NSMCE2: variants seen among roughly 807,000 people sequenced by gnomAD.
NSMCE2 encodes the protein E3 SUMO-protein ligase NSE2.
Under a neutral mutation model 23.8 loss-of-function variants are expected in NSMCE2, and 24 were observed. The observed-to-expected ratio is 1.01, with a 90% CI of 0.73 to 1.42. NSMCE2 has a LOEUF of 1.42. Ranked by LOEUF, NSMCE2 falls within the 40% of genes most tolerant of loss-of-function variation. The probability of loss-of-function intolerance (pLI) is 0.00; values close to 1 mark genes in which losing one functional copy is unlikely to be tolerated. For synonymous variants in NSMCE2, 92 were observed against 94.1 expected (o/e 0.98, Z 0.13); for missense variants, 284 against 296.5 (o/e 0.96, Z 0.31).
intron 5 of NSMCE2, among the ~76,000 whole-genome samples, chr8:125,223,421 T>C (rs560830816): frequency 1.3e-5 from 2 of 152,294 alleles, no homozygotes; most frequent in South Asian, 2.1e-4. Flanking sequence ...TCTTGACTAT[T>C]GCGAATAATG....
chr8:125,330,202 A>T (rs1442576845), intron 5 of NSMCE2, among the ~76,000 whole-genome samples: 2 of 133,280 alleles, frequency 1.5e-5, no homozygotes, highest in Non-Finnish European at 3.2e-5. Context: ...TTTTTGAGAC[A>T]GTCTCTCTCT....
intron 5 of NSMCE2, among the ~76,000 whole-genome samples, chr8:125,328,643 G>C (rs1296605882): frequency 6.6e-6 from 1 of 152,170 alleles, no homozygotes; most frequent in Non-Finnish European, 1.5e-5. Context: ...TCACAGGCTG[G>C]TGCACAAATT....
intron 5 of NSMCE2, among the ~76,000 whole-genome samples, chr8:125,335,280 A>G (rs960118644): frequency 6.6e-6 from 1 of 152,166 alleles, no homozygotes; most frequent in Admixed American, 6.5e-5. Flanking sequence ...AACAGCGATT[A>G]TGTGCCAAGC....
intron 5 of NSMCE2, among the ~76,000 whole-genome samples, chr8:125,234,252 A>G (rs1463084642): frequency 6.6e-6 from 1 of 152,090 alleles, no homozygotes; most frequent in Non-Finnish European, 1.5e-5. Flanking sequence ...ATAAGTTCTG[A>G]TTTTTGTCAA....
In NSMCE2 at chr8:125,170,376, C is replaced by CTTT. The variant is rs565593006; in HGVS notation, c.265-11690_265-11688dup. Among the ~76,000 whole-genome samples the CTTT allele has an allele frequency of 2.4e-3, 89 of 37,864 alleles. 29 individuals are homozygous for CTTT. The highest frequency in any genetic ancestry group is 5.5e-3 in the East Asian group (4 of 726). The allele number at this position is 37,864 out of a possible 152,430, so 24.8% of individuals were successfully genotyped here. On this transcript the variant is annotated intron_variant, in intron 4 of 7. Transcript: ENST00000287437. ...CATCAATAAACCTTACTCTTTATTT[C>CTTT]TTTTTTTTTTTTTTTTTTTTTTTTT...
At chr8:125,321,541 G>A (rs4871579) in intron 5 of NSMCE2, among the ~76,000 whole-genome samples, 12,798 of 152,094 alleles carry the variant, frequency 0.084, 674 homozygotes, top group South Asian at 0.16. Flanking sequence ...CATTCTACAA[G>A]GCTAGCATTA....
intron 5 of NSMCE2, among the ~76,000 whole-genome samples, chr8:125,217,085 A>G (rs1167710820): frequency 2.0e-5 from 3 of 152,226 alleles, no homozygotes; most frequent in African/African-American, 2.4e-5. Flanking sequence ...GATGCTTTCA[A>G]TAGGAAATAA....
chr8:125,225,266 G>A (rs1586637108), intron 5 of NSMCE2, among the ~76,000 whole-genome samples: 1 of 152,312 alleles, frequency 6.6e-6, no homozygotes, highest in African/African-American at 2.4e-5. Flanking sequence ...AAACAAATTA[G>A]CTAAAAGTAA....
At chr8:125,286,774 C>CA (rs11403131) in intron 5 of NSMCE2, among the ~76,000 whole-genome samples, 102,432 of 131,620 alleles carry the variant, frequency 0.78, 39,570 homozygotes, top group Middle Eastern at 0.82. Context: ...AAGCCTAGAG[C>CA]AAAAAAAAAA....
At chr8:125,190,533 A>G (rs1003271736) in intron 5 of NSMCE2, among the ~76,000 whole-genome samples, 2 of 152,248 alleles carry the variant, frequency 1.3e-5, no homozygotes, top group Non-Finnish European at 2.9e-5. Context: ...GACCAAATAA[A>G]TAATTAAGAA....
intron 5 of NSMCE2, among the ~76,000 whole-genome samples, chr8:125,212,011 A>C (rs1824365750): frequency 6.6e-6 from 1 of 152,174 alleles, no homozygotes; most frequent in African/African-American, 2.4e-5. Context: ...GTGCTCTGTA[A>C]ACGTTTATGG....
intron 5 of NSMCE2, among the ~76,000 whole-genome samples, chr8:125,218,400 C>T (rs1824696360): frequency 6.7e-6 from 1 of 149,606 alleles, no homozygotes; most frequent in Non-Finnish European, 1.5e-5. Flanking sequence ...ATAGCATATT[C>T]TGAAAAATTG....
intron 3 of NSMCE2, among the ~76,000 whole-genome samples, chr8:125,118,338 A>C (rs912582410): frequency 6.6e-6 from 1 of 152,026 alleles, no homozygotes; most frequent in Non-Finnish European, 1.5e-5. Flanking sequence ...CCGAGATTAC[A>C]CCACCGCACT....
intron 5 of NSMCE2, among the ~76,000 whole-genome samples, chr8:125,290,227 A>G (rs1488960492): frequency 6.6e-6 from 1 of 152,228 alleles, no homozygotes; most frequent in African/African-American, 2.4e-5. Flanking sequence ...TAAGTAGAAT[A>G]TGTTAAAATC....
chr8:125,342,543 T>C (rs569458408), intron 5 of NSMCE2, among the ~76,000 whole-genome samples: 2 of 152,302 alleles, frequency 1.3e-5, no homozygotes, highest in South Asian at 4.1e-4. Context: ...GCAAGGACTT[T>C]GTTCTACGAT....
intron 5 of NSMCE2, among the ~76,000 whole-genome samples, chr8:125,330,389 T>C (rs1829831738): frequency 6.6e-6 from 1 of 152,040 alleles, no homozygotes; most frequent in Non-Finnish European, 1.5e-5. Flanking sequence ...TTGGCCAGGC[T>C]GGTCTCGAAC....
intron 5 of NSMCE2, among the ~76,000 whole-genome samples, chr8:125,186,072 T>A (rs541580031): frequency 6.6e-6 from 1 of 152,340 alleles, no homozygotes; most frequent in East Asian, 1.9e-4. Flanking sequence ...CCTCCTGATT[T>A]TCTATGGCCT....
chr8:125,117,854 G>C (rs761536169), intron 3 of NSMCE2, among the ~76,000 whole-genome samples: 6 of 152,152 alleles, frequency 3.9e-5, no homozygotes, highest in African/African-American at 1.4e-4. Flanking sequence ...ATATAAATGC[G>C]TTAGTAACTG....
At chr8:125,265,032 A>G (rs1383890662) in intron 5 of NSMCE2, among the ~76,000 whole-genome samples, 4 of 152,244 alleles carry the variant, frequency 2.6e-5, no homozygotes, top group African/African-American at 7.2e-5. Context: ...AAAACTCAGT[A>G]ATCAAGTAAT....
Sources: gnomAD v4.1 joint callset for allele counts (sites outside exome capture counted in the v4.1 genomes callset) on GRCh38, gnomAD v4.1.1 for gene constraint, MANE v1.5 for transcripts, NCBI Gene and HGNC (gene_info 2026-07-23, HGNC 2026-07-21) for gene names.